The following MAPK9 variants were observed in gnomAD, a reference collection of about 807,000 sequenced individuals.
The protein encoded by MAPK9 is Jun kinase.
In MAPK9, 30 loss-of-function variants were observed where a neutral mutation model predicts 57.1. The observed-to-expected ratio is 0.53, with a 90% confidence interval of 0.39 to 0.71. The LOEUF is 0.71. Ranked by LOEUF, MAPK9 falls within the 30% of genes least tolerant of loss-of-function variation. The probability of loss-of-function intolerance (pLI) is 0.00; values close to 1 mark genes in which losing one functional copy is unlikely to be tolerated. For missense variants in MAPK9, 362 were observed against 521.0 expected (o/e 0.69, Z 2.97); for synonymous variants, 155 against 177.0 (o/e 0.88, Z 0.99).
intron 1 of MAPK9, among the ~76,000 whole-genome samples, chr5:180,284,537 G>A (rs1762578114): frequency 6.6e-6 from 1 of 152,214 alleles, no homozygotes; most frequent in South Asian, 2.1e-4. Flanking sequence ...TTTCATACAC[G>A]TCAGTGAGAG....
chr5:180,248,815 A>T (rs1338222851), intron 6 of MAPK9, among the ~76,000 whole-genome samples, 158 bp downstream of exon 6: 1 of 152,264 alleles, frequency 6.6e-6, no homozygotes, highest in African/African-American at 2.4e-5. Flanking sequence ...ATGGAAAAAC[A>T]CAATTAATTA....
intron 3 of MAPK9, among the ~76,000 whole-genome samples, chr5:180,265,642 G>A (rs1359001816): frequency 6.6e-6 from 1 of 152,172 alleles, no homozygotes; most frequent in Non-Finnish European, 1.5e-5. Context: ...TCCTTTATAA[G>A]TTACACTGTC....
intron 3 of MAPK9, among the ~76,000 whole-genome samples, chr5:180,265,661 C>T (rs945232331): frequency 6.6e-6 from 1 of 152,182 alleles, no homozygotes; most frequent in African/African-American, 2.4e-5. Context: ...TCTTGGGTAT[C>T]TCTTTATGGC....
chr5:180,239,388 C>T (rs1241744038), intron 10 of MAPK9, among the ~76,000 whole-genome samples: 2 of 152,238 alleles, frequency 1.3e-5, no homozygotes, highest in Non-Finnish European at 2.9e-5. Context: ...CCCAGGATGG[C>T]CCTGGGGCAT....
intron 3 of MAPK9, among the ~76,000 whole-genome samples, chr5:180,267,336 C>A (rs1030011421): frequency 6.6e-6 from 1 of 151,960 alleles, no homozygotes; most frequent in Non-Finnish European, 1.5e-5. Flanking sequence ...CCGAGGCAGG[C>A]AGATCACGAG....
At chr5:180,256,693 T>G (rs550339518) in intron 5 of MAPK9, among the ~76,000 whole-genome samples, 198 of 152,190 alleles carry the variant, frequency 1.3e-3, no homozygotes, top group Admixed American at 2.0e-3. Context: ...AACCAAACAC[T>G]CCTTTGGGCC....
chr5:180,244,922 C>T (rs986516026), intron 7 of MAPK9, among the ~76,000 whole-genome samples: 1 of 152,210 alleles, frequency 6.6e-6, no homozygotes, highest in Non-Finnish European at 1.5e-5. Context: ...TGGCTGCCAG[C>T]AGCCATCACA....
intron 7 of MAPK9, among the ~76,000 whole-genome samples, chr5:180,243,949 G>C (rs563556036): frequency 6.6e-6 from 1 of 152,264 alleles, no homozygotes; most frequent in African/African-American, 2.4e-5. Context: ...CCGGGCTCAA[G>C]TAATTCTCGT....
intron 3 of MAPK9, among the ~76,000 whole-genome samples, chr5:180,265,539 G>A (rs920391034): frequency 6.6e-6 from 1 of 152,220 alleles, no homozygotes; most frequent in African/African-American, 2.4e-5. Context: ...GCCTTGTGAA[G>A]AAGGTGCCTG....
At chr5:180,252,127 G>C (rs1278456029) in intron 5 of MAPK9, among the ~76,000 whole-genome samples, 2 of 152,122 alleles carry the variant, frequency 1.3e-5, no homozygotes, top group African/African-American at 4.8e-5. Context: ...GTGAAGTCTG[G>C]GCCAGGTCTC....
intron 7 of MAPK9, among the ~76,000 whole-genome samples, chr5:180,244,477 T>G (rs976472675): frequency 4.6e-5 from 7 of 152,078 alleles, no homozygotes; most frequent in African/African-American, 1.7e-4. Flanking sequence ...CAGCAAAAAC[T>G]TCCATAAAGA....
In MAPK9 at chr5:180,257,243, TACC is replaced by T. The variant is rs763863675; in HGVS notation, c.450+4438_450+4440del. ...CTGCCCTCTGTGGGTCGGTGGGCTC[TACC>T]CCCAAGGGAGGCCTTCAATGGCTGT... On this transcript the variant is annotated intron_variant, in intron 5 of 11. Transcript: ENST00000452135. Among the ~76,000 whole-genome samples, 9 of 152,174 alleles carry T rather than the reference TACC, an allele frequency of 5.9e-5. 1 individual carries two copies. The highest frequency in any genetic ancestry group is 4.4e-5 in the Non-Finnish European group (3 of 68,010).
chr5:180,247,240 T>C lies in MAPK9; in HGVS notation c.688+199A>G. 1.6e-6 allele frequency: 1 copy of C among 608,506 alleles called. No individual in the cohort carries two copies. Among genetic ancestry groups the C allele is most frequent in the East Asian group, 2.8e-5 (1 of 35,750 alleles). 37.7% of individuals were successfully genotyped at this position (608,506 alleles called of 1,614,324 possible). ...CTCTAAGTCTCAAAGTCATCACAGG[T>C]AGTCAAGTTAAAAATAAAGAATGAA... On this transcript the variant is annotated intron_variant, in intron 7 of 11. Coordinates refer to ENST00000452135, the MANE Select transcript of MAPK9 (RefSeq NM_002752.5). The surrounding 1 kb of genome is among the most constrained non-coding windows in gnomAD (Gnocchi z 4.5).
At chr5:180,265,266 A>C (rs1760410430) in intron 3 of MAPK9, among the ~76,000 whole-genome samples, 1 of 152,178 alleles carries the variant, frequency 6.6e-6, no homozygotes, top group Admixed American at 6.5e-5. Context: ...ATTTTTACCT[A>C]AAGAGGGTTA....
intron 10 of MAPK9, among the ~76,000 whole-genome samples, chr5:180,238,611 T>TC (rs1757393095): frequency 7.0e-6 from 1 of 142,934 alleles, no homozygotes; most frequent in East Asian, 2.0e-4. Flanking sequence ...TCTTCTTCTT[T>TC]TTTTTTTTTT....
At chr5:180,261,647 T>C (rs1451734224) in intron 5 of MAPK9, 37 bp downstream of exon 5, 3 of 1,540,282 alleles carry the variant, frequency 1.9e-6, no homozygotes, top group East Asian at 4.6e-5. Flanking sequence ...AACCAAATGA[T>C]TGTTTTTAAA....
chr5:180,241,361 A>T (rs1224837410), intron 8 of MAPK9, among the ~76,000 whole-genome samples: 1 of 150,890 alleles, frequency 6.6e-6, no homozygotes. Context: ...GCAGTGGCGC[A>T]ATCTTGGCTC....
intron 1 of MAPK9, among the ~76,000 whole-genome samples, chr5:180,288,478 CT>C (rs1219057093): frequency 6.6e-6 from 1 of 152,170 alleles, no homozygotes; most frequent in African/African-American, 2.4e-5. Context: ...GCAATTATTA[CT>C]TTTTCAACTT....
intron 8 of MAPK9, among the ~76,000 whole-genome samples, chr5:180,242,134 GT>G (rs1391402438): frequency 2.6e-5 from 4 of 152,198 alleles, no homozygotes; most frequent in African/African-American, 9.7e-5. Flanking sequence ...TTAAGGCACA[GT>G]TTACCTTCAT....
Sources: allele counts gnomAD v4.1 joint callset (sites outside exome capture counted in the v4.1 genomes callset), GRCh38; gene constraint gnomAD v4.1.1; non-coding constraint Gnocchi (gnomAD v3.1); transcripts MANE v1.5; gene names NCBI Gene and HGNC (gene_info 2026-07-23, HGNC 2026-07-21).